Variants in SOBP observed in about 807,000 individuals in gnomAD.
SOBP encodes sine oculis-binding protein homolog.
A neutral mutation model predicts 53.6 loss-of-function variants in SOBP; 4 were observed. The observed-to-expected ratio is 0.07, with a 90% CI of 0.04 to 0.17. SOBP has a LOEUF of 0.17. Among genes scored for constraint, SOBP ranks in the 10% least tolerant of loss-of-function variants. The pLI is 1.00. For missense variants in SOBP, 1,088 were observed against 1,204.7 expected (o/e 0.90, Z 1.43); for synonymous variants, 584 against 522.6 (o/e 1.12, Z -1.60).
At chr6:107,503,899 A>T in intron 2 of SOBP, 104 bp downstream of exon 2, 1 of 1,359,822 alleles carries the variant, frequency 7.4e-7, no homozygotes, top group Non-Finnish European at 1.0e-6. Context: ...TTTGTTGATT[A>T]TGCCAATGGT....
chr6:107,500,556 CTG>C (rs1782811504), intron 1 of SOBP, among the ~76,000 whole-genome samples: 1 of 151,674 alleles, frequency 6.6e-6, no homozygotes. Context: ...GAATCTCTCT[CTG>C]TCGCCCAGGC....
chr6:107,550,819 C>G (rs1784439646), intron 4 of SOBP, among the ~76,000 whole-genome samples: 1 of 152,204 alleles, frequency 6.6e-6, no homozygotes, highest in Non-Finnish European at 1.5e-5. Flanking sequence ...CTGTCATTCC[C>G]ATGTTGTGCT....
Position 107,559,776 on chromosome 6 carries a change from G to C in SOBP, c.573+26166G>C, listed in dbSNP as rs373445033. Among the ~76,000 whole-genome samples, 136 of 152,296 alleles carry C rather than the reference G, an allele frequency of 8.9e-4. No individual in the cohort carries two copies. In the South Asian group the frequency reaches 0.013, roughly 14 times the overall value. ...GAGAATATGGATTTGTATGAAATTT[G>C]GGTGACATATAGATCTGATTAGTTT... On this transcript the variant is annotated intron_variant, in intron 4 of 6. Transcript: ENST00000317357.
chr6:107,591,912 G>A (rs1180408384), intron 5 of SOBP, among the ~76,000 whole-genome samples: 7 of 146,798 alleles, frequency 4.8e-5, no homozygotes, highest in African/African-American at 1.5e-4. Flanking sequence ...CACTTTTTTT[G>A]CTGTACTGTT....
At chr6:107,526,549 C>T (rs1261956412) in intron 3 of SOBP, among the ~76,000 whole-genome samples, 1 of 152,200 alleles carries the variant, frequency 6.6e-6, no homozygotes, top group Non-Finnish European at 1.5e-5. Flanking sequence ...ATGCCGTGCT[C>T]TCTGGAATGG....
chr6:107,621,007 AC>A (rs570775914), intron 5 of SOBP: 211 of 189,170 alleles, frequency 1.1e-3, no homozygotes, highest in African/African-American at 4.8e-3. Flanking sequence ...CTACCCAAAT[AC>A]TGACAACTGA....
At position 107,536,584 on chromosome 6, in the gene SOBP, A is replaced by C. The variant is rs371206311; in HGVS notation, c.573+2974A>C. Among the ~76,000 whole-genome samples the C allele has an allele frequency of 1.2e-4, 18 of 152,318 alleles. No homozygotes were observed. The East Asian group carries it at 2.1e-3, about 18-fold the overall frequency. Reference sequence around the variant, plus strand: ...GGGGCGGGTTGAAAGTGTCACATACATCTCTCACAGACTGTCACTATGCAA... The same window carrying C: ...GGGGCGGGTTGAAAGTGTCACATACCTCTCTCACAGACTGTCACTATGCAA... On this transcript the variant is annotated intron_variant, in intron 4 of 6. Coordinates refer to ENST00000317357, the MANE Select transcript of SOBP (RefSeq NM_018013.4).
intron 1 of SOBP, among the ~76,000 whole-genome samples, chr6:107,495,674 AG>A (rs1213135354): frequency 6.6e-6 from 1 of 152,214 alleles, no homozygotes; most frequent in Admixed American, 6.5e-5. Flanking sequence ...GAATTTTTAA[AG>A]GAAAGTAAAA....
chr6:107,498,425 TCAC>T (rs947831795), intron 1 of SOBP, among the ~76,000 whole-genome samples: 56 of 152,220 alleles, frequency 3.7e-4, no homozygotes, highest in African/African-American at 1.3e-3. Context: ...ATAAATAAAA[TCAC>T]CAGTTCTTTT....
At chr6:107,614,388 G>A (rs1429499668) in intron 5 of SOBP, among the ~76,000 whole-genome samples, 1 of 151,996 alleles carries the variant, frequency 6.6e-6, no homozygotes, top group Non-Finnish European at 1.5e-5. Context: ...ATATATGAAA[G>A]GACAGTAGGA....
chr6:107,597,107 G>C (rs1785973400), intron 5 of SOBP, among the ~76,000 whole-genome samples: 1 of 152,152 alleles, frequency 6.6e-6, no homozygotes, highest in African/African-American at 2.4e-5. Flanking sequence ...GTGTGAACAG[G>C]GAGGGGAAAA....
rs201971072 is a variant in SOBP, at chr6:107,535,638, T to TGTGTG, written c.573+2028_573+2029insGTGTG. On this transcript the variant is annotated intron_variant, in intron 4 of 6. Coordinates refer to ENST00000317357, the MANE Select transcript of SOBP (RefSeq NM_018013.4). ...TTGTGTGTGTGTGTGTGTGTGTGTG[T>TGTGTG]TTTTTTTTTTTCCAAATAGAGAAAT... Among the ~76,000 whole-genome samples, 379 of 129,368 alleles carry TGTGTG rather than the reference T, an allele frequency of 2.9e-3. 2 individuals carry two copies. The highest frequency in any genetic ancestry group is 0.014 in the African/African-American group (339 of 24,984). 84.9% of individuals were successfully genotyped at this position (129,368 alleles called of 152,430 possible). A position where few individuals can be genotyped will look rare whatever the true frequency, so the allele number is the denominator to read the frequency against.
Position 107,587,017 on chromosome 6 carries a change from T to G in SOBP, c.574-63T>G. The G allele has an allele frequency of 2.4e-6, 3 of 1,268,136 alleles. No individual in the cohort carries two copies. In the Admixed American group the frequency reaches 5.0e-5, roughly 21 times the overall value. 78.6% of individuals were successfully genotyped at this position (1,268,136 alleles called of 1,614,324 possible). On this transcript the variant is annotated intron_variant, in intron 4 of 6. Transcript: ENST00000317357. ...TGTTGAATGATCTGAGCTGTTATGC[T>G]TTTTAGCTTTTTTTCTTCCATTATT... is the stretch of plus-strand genomic sequence containing the variant.
chr6:107,599,983 TG>T (rs1455252975), intron 5 of SOBP, among the ~76,000 whole-genome samples: 2 of 152,208 alleles, frequency 1.3e-5, no homozygotes, highest in African/African-American at 4.8e-5. Context: ...TTGAAATAGC[TG>T]GGTTGCCCAT....
At position 107,634,251 on chromosome 6, in the gene SOBP, C is replaced by T. The variant is rs749936447; in HGVS notation, c.1407C>T (p.Pro469=). 4.5e-6 allele frequency: 7 copies of T among 1,572,608 alleles called. No individual in the cohort carries two copies. Among genetic ancestry groups the T allele is most frequent in the South Asian group, 1.1e-5 (1 of 88,100 alleles). The change falls in exon 6 of 7, where the codon CCC becomes CCT. Residue 469 remains proline, a synonymous_variant. Coordinates refer to ENST00000317357, the MANE Select transcript of SOBP (RefSeq NM_018013.4). The surrounding 1 kb of genome is among the most constrained non-coding windows in gnomAD (Gnocchi z 4.5). ...HIHPPSTPTM[P]GNPPGLLPPP... is the part of the protein sequence containing the mutation. The stretch of plus-strand genomic sequence containing the variant: ...ACCCCCCGAGCACCCCCACCATGCC[C>T]GGGAACCCCCCAGGCCTGCTGCCCC...
chr6:107,628,662 T>C (rs1387456516), intron 5 of SOBP, among the ~76,000 whole-genome samples: 2 of 152,172 alleles, frequency 1.3e-5, no homozygotes, highest in African/African-American at 4.8e-5. Flanking sequence ...GAGGCTGAGA[T>C]TTTCGTAATG....
chr6:107,627,248 G>A (rs568945081), intron 5 of SOBP, among the ~76,000 whole-genome samples: 4 of 152,252 alleles, frequency 2.6e-5, no homozygotes, highest in Admixed American at 2.6e-4. Flanking sequence ...GTCAGGGTGG[G>A]CCTGCAGTCA....
At chr6:107,552,161 ATTCTCTT>A (rs1033768228) in intron 4 of SOBP, among the ~76,000 whole-genome samples, 7 of 152,182 alleles carry the variant, frequency 4.6e-5, no homozygotes, top group African/African-American at 1.7e-4. Context: ...CGTTGGATGG[ATTCTCTT>A]TGACCTTAAC....
rs1294322390 is a variant in SOBP, at chr6:107,553,295, TTATTTTA to T, written c.573+19687_573+19693del. On this transcript the variant is annotated intron_variant, in intron 4 of 6. Coordinates refer to ENST00000317357, the MANE Select transcript of SOBP (RefSeq NM_018013.4). Reference sequence around the variant, plus strand: ...CTGAAATCCACTCACGGGCTTATTATTATTTTATTTATTTATTTATTTATTTATTTAT... The same window carrying T: ...CTGAAATCCACTCACGGGCTTATTATTTTATTTATTTATTTATTTATTTAT... Among the ~76,000 whole-genome samples, 15 of 139,250 alleles carry T rather than the reference TTATTTTA, an allele frequency of 1.1e-4. No individual in the cohort carries two copies. The South Asian group carries it at 1.5e-3, about 14-fold the overall frequency. The allele number at this position is 139,250 out of a possible 152,430, so 91.4% of individuals were successfully genotyped here.
Sources: gnomAD v4.1 joint callset for allele counts (sites outside exome capture counted in the v4.1 genomes callset) on GRCh38, gnomAD v4.1.1 for gene constraint, Gnocchi (gnomAD v3.1) non-coding constraint, MANE v1.5 for transcripts, NCBI Gene and HGNC (gene_info 2026-07-23, HGNC 2026-07-21) for gene names.